SMARCE1: variants seen among roughly 807,000 people sequenced by gnomAD.
The protein encoded by SMARCE1 is SWI/SNF-related matrix-associated actin-dependent regulator of chromatin subfamily E member 1.
SMARCE1 carries 13 observed loss-of-function variants against 54.9 expected under a neutral mutation model. The ratio of observed to expected loss-of-function variants is 0.24; its 90% CI spans 0.15 to 0.38. The LOEUF (loss-of-function observed/expected upper bound fraction) is 0.38, where lower values mean the gene tolerates loss of function less well. Among genes scored for constraint, SMARCE1 ranks in the 10% least tolerant of loss-of-function variants. The pLI is 1.00. For missense variants in SMARCE1, 295 were observed against 523.8 expected (o/e 0.56, Z 4.26); for synonymous variants, 151 against 175.3 (o/e 0.86, Z 1.10).
chr17:40,637,614 G>C (rs751605758), intron 4 of SMARCE1, 42 bp from the exon 5 acceptor site: 15 of 1,477,312 alleles, frequency 1.0e-5, no homozygotes, highest in Non-Finnish European at 1.4e-5. Context: ...ACTGTAAGGA[G>C]TTCACTGGCA....
intron 7 of SMARCE1, chr17:40,633,424 T>C (rs1237767823): frequency 6.6e-6 from 1 of 152,140 alleles, no homozygotes; most frequent in Non-Finnish European, 1.5e-5. Flanking sequence ...TACTTAATAT[T>C]TTTCTTTAAA....
At chr17:40,632,610 G>T in intron 7 of SMARCE1, 1 of 413,110 alleles carries the variant, frequency 2.4e-6, no homozygotes, top group South Asian at 5.4e-5. Flanking sequence ...TGTCTGAGAA[G>T]GATTTGGCTA....
chr17:40,628,302 T>TA lies in SMARCE1; in HGVS notation c.*482dup. On this transcript the variant is annotated 3_prime_UTR_variant, in exon 11 of 11. Coordinates refer to ENST00000348513, the MANE Select transcript of SMARCE1 (RefSeq NM_003079.5). ...CTTGGTATCTGACATTGATTAAAAG[T>TA]AAAAAAGGGTAAGTGAACAAATACA... 6.4e-6 allele frequency: 1 copy of TA among 155,926 alleles called. No homozygotes were observed. The allele number at this position is 155,926 out of a possible 1,614,324, so 9.7% of individuals were successfully genotyped here. A position where few individuals can be genotyped will look rare whatever the true frequency, so the allele number is the denominator to read the frequency against.
At chr17:40,631,345 T>G in intron 9 of SMARCE1, 1 of 380,168 alleles carries the variant, frequency 2.6e-6, no homozygotes, top group African/African-American at 2.1e-5. Context: ...GTTTAACATA[T>G]CAGAGGGCTC....
rs773859296 is a variant in SMARCE1 at position 40,628,926 on chromosome 17, C to G, written c.1095G>C (p.Glu365Asp). ...CCCCCTCCTGCCCACTCTCCTTGTC[C>G]TCAGGAGTAGACGTGCCTTCTTCAC... ...QNGEEGTSTP[E>D]DKESGQEGVD... The change falls in exon 11 of 11, where the codon GAG (glutamate) becomes GAC (aspartate). Residue 365 changes from glutamate to aspartate, a missense_variant. Physicochemically the swap from Glu to Asp is conservative, Grantham distance 45 (BLOSUM62 2). This residue lies in a region of SMARCE1 where 147 missense variants were observed against 161.4 expected (regional missense o/e 0.91). Transcript: ENST00000348513. The G allele has an allele frequency of 7.4e-6, 12 of 1,613,644 alleles. No homozygotes were observed. In the African/African-American group the frequency reaches 1.5e-4, roughly 20 times the overall value.
intron 4 of SMARCE1, chr17:40,641,511 G>A (rs952476382): frequency 2.6e-5 from 4 of 152,156 alleles, no homozygotes; most frequent in African/African-American, 9.7e-5. Context: ...GGGCTTTTTT[G>A]AAGTTACATT....
At chr17:40,632,145 G>C (rs1166599320) in intron 8 of SMARCE1, 50 bp downstream of exon 8, 3 of 1,388,434 alleles carry the variant, frequency 2.2e-6, no homozygotes, top group Admixed American at 3.6e-5. Context: ...TATCACCTGG[G>C]ATTTGTGGTA....
rs966772559 is a variant in SMARCE1, at chr17:40,626,086, G to A, written c.*2699C>T. ...TACTAAAAATACAAAAATTAGCCGG[G>A]CGTGGTGGCGGGCGCCTGTAATCCC... is the stretch of plus-strand genomic sequence containing the variant. On this transcript the variant is annotated 3_prime_UTR_variant, in exon 11 of 11. Coordinates refer to ENST00000348513, the MANE Select transcript of SMARCE1 (RefSeq NM_003079.5). 3 of 152,110 alleles carry A rather than the reference G, an allele frequency of 2.0e-5. No homozygotes were observed. Among genetic ancestry groups the A allele is most frequent in the African/African-American group, 7.2e-5 (3 of 41,396 alleles). 9.4% of individuals were successfully genotyped at this position (152,110 alleles called of 1,614,324 possible). A position where few individuals can be genotyped will look rare whatever the true frequency, so the allele number is the denominator to read the frequency against.
At chr17:40,636,709 T>A (rs909865549) in intron 5 of SMARCE1, 183 bp from the exon 6 acceptor site, 2 of 530,498 alleles carry the variant, frequency 3.8e-6, no homozygotes, top group East Asian at 6.4e-5. Context: ...ATCTTTGCCC[T>A]ACTGGATTAC....
At chr17:40,638,107 C>G (rs2037163169) in intron 4 of SMARCE1, among the ~76,000 whole-genome samples, 1 of 152,172 alleles carries the variant, frequency 6.6e-6, no homozygotes, top group South Asian at 2.1e-4. Flanking sequence ...CACCTTACCT[C>G]CTTTGCCAGG....
At chr17:40,635,246 A>G (rs1324762847) in intron 7 of SMARCE1, 1 of 151,120 alleles carries the variant, frequency 6.6e-6, no homozygotes, top group Non-Finnish European at 1.5e-5. Context: ...AGAAACTATT[A>G]ATGTTTATAC....
intron 7 of SMARCE1, chr17:40,632,631 G>A (rs966864463): frequency 8.7e-5 from 33 of 380,430 alleles, no homozygotes; most frequent in Non-Finnish European, 1.2e-4. Context: ...AAACATAAAC[G>A]AGATACAACA....
chr17:40,634,237 C>T (rs977309695), intron 7 of SMARCE1: 4 of 152,640 alleles, frequency 2.6e-5, no homozygotes, highest in African/African-American at 9.7e-5. Flanking sequence ...TCAACTGATC[C>T]TCCTACCTCA....
At chr17:40,629,644 A>G in intron 10 of SMARCE1, 1 of 526,138 alleles carries the variant, frequency 1.9e-6, no homozygotes. Flanking sequence ...TCCTTGAACT[A>G]GGACAGAATC....
At chr17:40,635,876 T>A in intron 7 of SMARCE1, 55 bp downstream of exon 7, 2 of 1,275,970 alleles carry the variant, frequency 1.6e-6, no homozygotes, top group Non-Finnish European at 1.1e-6. Flanking sequence ...AAGAGATTTC[T>A]CATATCTTAA....
In SMARCE1 at chr17:40,632,176, G is replaced by C. The variant is rs754659945; in HGVS notation, c.714+19C>G. 1 of 1,590,736 alleles carries C rather than the reference G, an allele frequency of 6.3e-7. No homozygotes were observed. The highest frequency in any genetic ancestry group is 1.1e-5 in the South Asian group (1 of 89,520). On this transcript the variant is annotated intron_variant, in intron 8 of 10. Transcript: ENST00000348513. ...TGGTATAGGCACATCTTATTGAAATGAATGTTTTATGACTTTACCTGATGA... is the reference window on the plus strand; with the variant it reads ...TGGTATAGGCACATCTTATTGAAATCAATGTTTTATGACTTTACCTGATGA...
chr17:40,636,280 G>C (rs1184670323), intron 6 of SMARCE1, 115 bp downstream of exon 6: 3 of 1,227,524 alleles, frequency 2.4e-6, no homozygotes, highest in Non-Finnish European at 3.5e-6. Context: ...CAGGTAGACA[G>C]AGCCTCAGTA....
At chr17:40,631,515 A>G (rs2037095560) in intron 9 of SMARCE1, 77 bp downstream of exon 9, 1 of 786,458 alleles carries the variant, frequency 1.3e-6, no homozygotes, top group African/African-American at 1.7e-5. Flanking sequence ...TAAAAACACT[A>G]TTTTGGAAAA....
At position 40,627,188 on chromosome 17, in the gene SMARCE1, T is replaced by C. The variant is rs1436167805; in HGVS notation, c.*1597A>G. On this transcript the variant is annotated 3_prime_UTR_variant, in exon 11 of 11. Coordinates refer to ENST00000348513, the MANE Select transcript of SMARCE1 (RefSeq NM_003079.5). ...AACAGATCTATTTGATACAAATTCG[T>C]TCTTTGACACACAAGGAAACAGATG... The C allele has an allele frequency of 6.6e-6, 1 of 152,232 alleles. No individual in the cohort carries two copies. The highest frequency in any genetic ancestry group is 1.5e-5 in the Non-Finnish European group (1 of 68,044). 9.4% of individuals were successfully genotyped at this position (152,232 alleles called of 1,614,324 possible). A position where few individuals can be genotyped will look rare whatever the true frequency, so the allele number is the denominator to read the frequency against.
Sources: gnomAD v4.1 joint callset for allele counts (sites outside exome capture counted in the v4.1 genomes callset) on GRCh38, gnomAD v4.1.1 for gene constraint, gnomAD v4.1.1 regional missense constraint, MANE v1.5 for transcripts, NCBI Gene and HGNC (gene_info 2026-07-23, HGNC 2026-07-21) for gene names.